The following GLB1 variants were observed in gnomAD, a reference collection of about 807,000 sequenced individuals.
The protein encoded by GLB1 is galactosidase beta 1, also known as beta-galactosidase.
Under a neutral mutation model 74.0 loss-of-function variants are expected in GLB1, and 56 were observed. That is an observed-to-expected ratio of 0.76 (90% CI 0.61 to 0.94). The LOEUF (loss-of-function observed/expected upper bound fraction) is 0.94. GLB1 is among the 40% of genes least tolerant of loss of function. The pLI, the probability that GLB1 is intolerant of heterozygous loss-of-function variation, is 0.00. For missense variants in GLB1, 787 were observed against 845.5 expected, an observed-to-expected ratio of 0.93 and a Z score of 0.86; for synonymous variants, 323 against 323.6, an observed-to-expected ratio of 1.00 and a Z score of 0.02.
the GLB1 span, among the ~76,000 whole-genome samples, chr3:32,962,173 G>A: frequency 6.7e-5 from 9 of 133,438 alleles, no homozygotes; most frequent in South Asian, 2.7e-4. Flanking sequence ...CAGCCTGGGC[G>A]ACAGAGTGAG....
At chr3:33,065,420 G>C (rs367936213) in intron 5 of GLB1, 43 bp downstream of exon 5, 14 of 1,552,312 alleles carry the variant, frequency 9.0e-6, no homozygotes, top group African/African-American at 1.4e-5. Context: ...TAGATGGATG[G>C]GAACCCCTCC....
At chr3:33,058,507 A>G (rs1242570957) in intron 5 of GLB1, among the ~76,000 whole-genome samples, 6 of 152,200 alleles carry the variant, frequency 3.9e-5, no homozygotes, top group Non-Finnish European at 7.3e-5. Context: ...GAAAAACAAA[A>G]AACACCAAAC....
intron 10 of GLB1, among the ~76,000 whole-genome samples, chr3:33,027,267 T>G (rs983350240): frequency 5.3e-5 from 8 of 152,260 alleles, no homozygotes; most frequent in African/African-American, 1.9e-4. Context: ...AACCTGGAGC[T>G]GCTCACCCTG....
In GLB1 at chr3:33,044,216, G is replaced by T. The variant is rs572972782; in HGVS notation, c.1068+1904C>A. 2.0e-5 allele frequency among the ~76,000 whole-genome samples: 3 copies of T among 152,106 alleles called. No individual in the cohort carries two copies. The East Asian group carries it at 5.8e-4, about 29-fold the overall frequency. On this transcript the variant is annotated intron_variant, in intron 10 of 15. Coordinates refer to ENST00000307363, the MANE Select transcript of GLB1 (RefSeq NM_000404.4). ...TAGGCTCAGCAGCTTTCAAGGGATT[G>T]GTATCACAGACTATATTCTCTAACC...
intron 1 of GLB1, chr3:33,092,768 C>T (rs1700819615): frequency 6.6e-7 from 1 of 1,521,994 alleles, no homozygotes; most frequent in African/African-American, 1.4e-5. Context: ...AGCAGGCAAA[C>T]CACTCTGAAG....
chr3:32,971,227 C>G, the GLB1 span, among the ~76,000 whole-genome samples: 8 of 152,170 alleles, frequency 5.3e-5, no homozygotes, highest in African/African-American at 1.7e-4. Flanking sequence ...TATCTTAAAG[C>G]CAGAGCTACC....
chr3:33,070,314 G>A (rs1699844748), intron 2 of GLB1, among the ~76,000 whole-genome samples: 1 of 152,148 alleles, frequency 6.6e-6, no homozygotes. Context: ...GAAGGGGAAA[G>A]AGCTCAAAAA....
chr3:33,037,892 G>T (rs1698341319), intron 10 of GLB1: 1 of 152,074 alleles, frequency 6.6e-6, no homozygotes, highest in Admixed American at 6.5e-5. Flanking sequence ...TAACCGTATT[G>T]CACAGATGTG....
chr3:33,087,541 GC>G (rs1467575421), intron 1 of GLB1, among the ~76,000 whole-genome samples: 3 of 150,626 alleles, frequency 2.0e-5, no homozygotes, highest in Non-Finnish European at 4.4e-5. Flanking sequence ...CTGCACTCCA[GC>G]CCCGGCGACA....
At chr3:33,048,443 A>G (rs997301185) in intron 9 of GLB1, among the ~76,000 whole-genome samples, 4 of 152,218 alleles carry the variant, frequency 2.6e-5, no homozygotes, top group African/African-American at 9.6e-5. Flanking sequence ...ACATTGTGTG[A>G]GAAGTACAGG....
At chr3:32,961,155 T>C in the GLB1 span, among the ~76,000 whole-genome samples, 1 of 152,212 alleles carries the variant, frequency 6.6e-6, no homozygotes, top group African/African-American at 2.4e-5. Context: ...TGAACATAAC[T>C]GCCAAAGTCT....
rs1699790544 is a variant in GLB1, at chr3:33,068,814, A to T, written c.396+6T>A. The stretch of plus-strand genomic sequence containing the variant: ...ACCAGGTAGAGCCCAGTCTAGCCAC[A>T]CTCACCATTTCCCACTCTGCACAGA... On this transcript the variant is annotated splice_donor_region_variant and intron_variant, in intron 3 of 15. Coordinates refer to ENST00000307363, the MANE Select transcript of GLB1 (RefSeq NM_000404.4). 6.2e-7 allele frequency: 1 copy of T among 1,613,532 alleles called. No individual in the cohort carries two copies. The highest frequency in any genetic ancestry group is 1.7e-5 in the Admixed American group (1 of 60,006).
the GLB1 span, among the ~76,000 whole-genome samples, chr3:32,964,971 G>C: frequency 1.3e-5 from 2 of 152,196 alleles, no homozygotes; most frequent in African/African-American, 2.4e-5. Context: ...TCTCTTGCCT[G>C]CTGTCATGTA....
At chr3:32,966,255 G>A in the GLB1 span, among the ~76,000 whole-genome samples, 1 of 152,216 alleles carries the variant, frequency 6.6e-6, no homozygotes, top group Non-Finnish European at 1.5e-5. Context: ...AGCCACAGGG[G>A]CGGAGCTTCC....
intron 10 of GLB1, among the ~76,000 whole-genome samples, chr3:33,032,997 G>A (rs908020099): frequency 3.9e-5 from 6 of 152,186 alleles, no homozygotes; most frequent in Admixed American, 2.0e-4. Context: ...GCATTTTGGG[G>A]ACCCAAGTAA....
At chr3:32,966,017 A>G in the GLB1 span, among the ~76,000 whole-genome samples, 1 of 152,218 alleles carries the variant, frequency 6.6e-6, no homozygotes, top group Non-Finnish European at 1.5e-5. Context: ...AGTTTGCTGC[A>G]GTGGTGAGGC....
chr3:33,045,826 G>A (rs191524861), intron 10 of GLB1: 540 of 1,107,456 alleles, frequency 4.9e-4, no homozygotes, highest in Admixed American at 1.4e-3. Context: ...AAATTTCCCC[G>A]GGTGAATTCT....
chr3:32,996,748 T>C lies in GLB1; in HGVS notation c.*297A>G. 1 of 407,364 alleles carries C rather than the reference T, an allele frequency of 2.5e-6. No individual in the cohort carries two copies. The highest frequency in any genetic ancestry group is 2.4e-5 in the South Asian group (1 of 42,266). 25.2% of individuals were successfully genotyped at this position (407,364 alleles called of 1,614,324 possible). A position where few individuals can be genotyped will look rare whatever the true frequency, so the allele number is the denominator to read the frequency against. ...CATCATCATTTGAGTACAAATTTTA[T>C]TTAACAAAAAGGTAACATGATTCTT... On this transcript the variant is annotated 3_prime_UTR_variant, in exon 16 of 16. Coordinates refer to ENST00000307363, the MANE Select transcript of GLB1 (RefSeq NM_000404.4).
chr3:33,051,615 A>AAAAAAAAAAAAAAAG lies in GLB1; in HGVS notation c.955+142_955+143insCTTTTTTTTTTTTTT, dbSNP rs764769471. ...GTGAGACTGTCTACAAAAAAAAAAAAAAAAGAAAAAGAAAAAAAAAGAAAA... is the reference window on the plus strand; with the variant it reads ...GTGAGACTGTCTACAAAAAAAAAAAAAAAAAAAAAAAAAAGAAAAGAAAAAGAAAAAAAAAGAAAA... On this transcript the variant is annotated intron_variant, in intron 9 of 15. Coordinates refer to ENST00000307363, the MANE Select transcript of GLB1 (RefSeq NM_000404.4). The AAAAAAAAAAAAAAAG allele has an allele frequency of 5.1e-6, 6 of 1,178,010 alleles. No individual in the cohort carries two copies. In the African/African-American group the frequency reaches 6.8e-5, roughly 13 times the overall value. The allele number at this position is 1,178,010 out of a possible 1,614,324, so 73.0% of individuals were successfully genotyped here.
Sources: allele counts gnomAD v4.1 joint callset (sites outside exome capture counted in the v4.1 genomes callset), GRCh38; gene constraint gnomAD v4.1.1; transcripts MANE v1.5; gene names NCBI Gene and HGNC (gene_info 2026-07-23, HGNC 2026-07-21).